The following AKAP19 variants were observed in gnomAD, a reference collection of about 807,000 sequenced individuals.
AKAP19 encodes small A-kinase anchoring protein.
the AKAP19 span, among the ~76,000 whole-genome samples, chr2:189,935,455 A>G: frequency 6.6e-6 from 1 of 152,040 alleles, no homozygotes; most frequent in Non-Finnish European, 1.5e-5. Context: ...CCCAAATAGA[A>G]ACTTAGAATT....
chr2:190,105,692 C>G, the AKAP19 span, among the ~76,000 whole-genome samples: 1 of 152,216 alleles, frequency 6.6e-6, no homozygotes, highest in Non-Finnish European at 1.5e-5. Context: ...GTCGATGTCA[C>G]TATGAATTCA....
the AKAP19 span, among the ~76,000 whole-genome samples, chr2:189,887,122 T>A: frequency 2.6e-5 from 4 of 152,200 alleles, no homozygotes; most frequent in African/African-American, 9.6e-5. Context: ...GTATTTCTCC[T>A]AATGCTATCC....
At chr2:189,882,695 A>G in the AKAP19 span, among the ~76,000 whole-genome samples, 11 of 152,226 alleles carry the variant, frequency 7.2e-5, 2 homozygotes, top group South Asian at 1.7e-3. Context: ...ACCCGTGAGG[A>G]TAAGCTATCA....
chr2:190,168,115 G>A, the AKAP19 span, among the ~76,000 whole-genome samples: 2 of 152,178 alleles, frequency 1.3e-5, no homozygotes, highest in African/African-American at 4.8e-5. Context: ...TGAAATCTAG[G>A]CAGAGGTTCT....
chr2:189,959,453 T>C, the AKAP19 span, among the ~76,000 whole-genome samples: 1 of 152,178 alleles, frequency 6.6e-6, no homozygotes, highest in South Asian at 2.1e-4. Flanking sequence ...CACTGATTTT[T>C]TTTCAGAATT....
chr2:190,039,811 C>T, the AKAP19 span, among the ~76,000 whole-genome samples: 3 of 152,238 alleles, frequency 2.0e-5, no homozygotes, highest in African/African-American at 7.2e-5. Context: ...CTAAGGATAA[C>T]AGCCTCCAGC....
At chr2:190,060,248 A>T in the AKAP19 span, 1 of 1,613,192 alleles carries the variant, frequency 6.2e-7, no homozygotes, top group Non-Finnish European at 8.5e-7. Flanking sequence ...ATCGGATTCC[A>T]GTATACCTTG....
the AKAP19 span, among the ~76,000 whole-genome samples, chr2:190,069,175 T>TGTGTGTGTGTGTGTGTGTGTGA: frequency 2.4e-5 from 3 of 123,506 alleles, no homozygotes; most frequent in African/African-American, 9.7e-5. Context: ...TGTGTGTGTG[T>TGTGTGTGTGTGTGTGTGTGTGA]GAGAGAGAGA....
chr2:189,988,281 C>T, the AKAP19 span, among the ~76,000 whole-genome samples: 2 of 152,264 alleles, frequency 1.3e-5, no homozygotes, highest in East Asian at 1.9e-4. Context: ...CCAAAGAACC[C>T]CGTAAAACTT....
chr2:190,078,268 C>T, the AKAP19 span, among the ~76,000 whole-genome samples: 8 of 152,150 alleles, frequency 5.3e-5, no homozygotes, highest in Non-Finnish European at 1.2e-4. Context: ...TTTCCCTTCT[C>T]CTAGGAATTA....
the AKAP19 span, chr2:190,062,439 A>G: frequency 6.2e-7 from 1 of 1,613,338 alleles, no homozygotes; most frequent in Admixed American, 1.7e-5. Context: ...AATGGCTTCT[A>G]TTCTTGAAGA....
the AKAP19 span, chr2:190,180,874 CT>C: frequency 5.1e-6 from 5 of 985,268 alleles, no homozygotes; most frequent in Non-Finnish European, 6.0e-6. This position sits in a 1 kb window ranked among gnomAD's most constrained non-coding sequence, Gnocchi z 6.8. Context: ...CATGCTGCCA[CT>C]TGGCTGAGCC....
chr2:189,922,582 CAT>C, the AKAP19 span, among the ~76,000 whole-genome samples: 4 of 152,340 alleles, frequency 2.6e-5, no homozygotes, highest in African/African-American at 9.6e-5. Context: ...CATTTGTGGA[CAT>C]ACACAGAGCA....
the AKAP19 span, among the ~76,000 whole-genome samples, chr2:189,893,161 T>C: frequency 6.6e-6 from 1 of 152,194 alleles, no homozygotes; most frequent in African/African-American, 2.4e-5. Flanking sequence ...GGATCTTAGC[T>C]TGCTGGGCTC....
the AKAP19 span, among the ~76,000 whole-genome samples, chr2:190,033,180 T>G: frequency 2.0e-5 from 3 of 152,152 alleles, no homozygotes; most frequent in Non-Finnish European, 2.9e-5. Context: ...GGTGGGACCA[T>G]AAAAGAAACA....
chr2:189,975,385 C>G, the AKAP19 span, among the ~76,000 whole-genome samples: 1 of 152,118 alleles, frequency 6.6e-6, no homozygotes, highest in East Asian at 1.9e-4. Flanking sequence ...TGTGGGTAAC[C>G]CGACCTTTCT....
chr2:190,200,609 A>T, the AKAP19 span: 1 of 175,734 alleles, frequency 5.7e-6, no homozygotes. Flanking sequence ...ATTAACAGTA[A>T]GTCTTGTTTG....
the AKAP19 span, among the ~76,000 whole-genome samples, chr2:190,061,957 A>G: frequency 1.3e-5 from 2 of 152,092 alleles, no homozygotes; most frequent in Non-Finnish European, 2.9e-5. Flanking sequence ...AAGCATAAGC[A>G]TGCTATCTAT....
At chr2:190,091,978 T>G in the AKAP19 span, among the ~76,000 whole-genome samples, 1 of 152,230 alleles carries the variant, frequency 6.6e-6, no homozygotes, top group East Asian at 1.9e-4. Flanking sequence ...CTACAATATC[T>G]TCCTCAGAAA....
Sources: allele counts gnomAD v4.1 joint callset (sites outside exome capture counted in the v4.1 genomes callset), GRCh38; gene constraint gnomAD v4.1.1; non-coding constraint Gnocchi (gnomAD v3.1); transcripts MANE v1.5; gene names NCBI Gene and HGNC (gene_info 2026-07-23, HGNC 2026-07-21).